ADAMTS19: variants seen among roughly 807,000 people sequenced by gnomAD.
The protein encoded by ADAMTS19 is A disintegrin and metalloproteinase with thrombospondin motifs 19.
A neutral mutation model predicts 153.3 loss-of-function variants in ADAMTS19; 93 were observed. That is an observed-to-expected ratio of 0.61 (90% confidence interval 0.51 to 0.72). The LOEUF is 0.72. ADAMTS19 is among the 30% of genes least tolerant of loss of function. ADAMTS19 has a pLI of 0.00. For missense variants in ADAMTS19, 1,482 were observed against 1,552.1 expected, an observed-to-expected ratio of 0.95 and a Z score of 0.76; for synonymous variants, 600 against 556.6, an observed-to-expected ratio of 1.08 and a Z score of -1.10.
chr5:129,527,435 C>T lies in ADAMTS19; in HGVS notation c.1087-313C>T, dbSNP rs1008838840. 4.0e-5 allele frequency among the ~76,000 whole-genome samples: 6 copies of T among 150,506 alleles called. No individual in the cohort carries two copies. The East Asian group carries it at 1.2e-3, about 29-fold the overall frequency. ...CATATTCCATTACCTCCTGAGCACTCCTCTAAAATGCGATATGTGGTAGAT... is the reference window on the plus strand; with the variant it reads ...CATATTCCATTACCTCCTGAGCACTTCTCTAAAATGCGATATGTGGTAGAT... On this transcript the variant is annotated intron_variant, in intron 4 of 22. Coordinates refer to ENST00000274487, the MANE Select transcript of ADAMTS19 (RefSeq NM_133638.6).
intron 7 of ADAMTS19, among the ~76,000 whole-genome samples, chr5:129,583,601 G>C (rs1332538716): frequency 6.6e-6 from 1 of 151,840 alleles, no homozygotes; most frequent in Admixed American, 6.6e-5. Flanking sequence ...TGGAGGTTTT[G>C]TTCATTCCTT....
At chr5:129,530,653 T>A (rs1010362923) in intron 6 of ADAMTS19, among the ~76,000 whole-genome samples, 1 of 152,144 alleles carries the variant, frequency 6.6e-6, no homozygotes, top group Non-Finnish European at 1.5e-5. Flanking sequence ...ACTATCTTAA[T>A]CTCTGAAAGG....
chr5:129,606,447 T>C (rs73785217), intron 8 of ADAMTS19, among the ~76,000 whole-genome samples: 5,775 of 152,188 alleles, frequency 0.038, 340 homozygotes, highest in African/African-American at 0.13. Context: ...GAGAAAGCTA[T>C]CTCAACTGTC....
chr5:129,585,338 A>T (rs188094005), intron 7 of ADAMTS19, among the ~76,000 whole-genome samples: 9 of 151,938 alleles, frequency 5.9e-5, no homozygotes, highest in Non-Finnish European at 1.2e-4. Context: ...AGCTGTTCCT[A>T]TTCGGCCATC....
At chr5:129,713,857 G>A (rs2127185492) in intron 21 of ADAMTS19, among the ~76,000 whole-genome samples, 1 of 151,336 alleles carries the variant, frequency 6.6e-6, no homozygotes, top group African/African-American at 2.4e-5. Context: ...CAGGATGACT[G>A]GATGGCACTC....
chr5:129,610,931 C>T (rs1430705339), intron 8 of ADAMTS19, among the ~76,000 whole-genome samples: 1 of 152,132 alleles, frequency 6.6e-6, no homozygotes, highest in Non-Finnish European at 1.5e-5. Context: ...TCCTATTTCT[C>T]CACATCCTCT....
At chr5:129,732,784 G>A (rs958347466) in intron 21 of ADAMTS19, among the ~76,000 whole-genome samples, 4 of 151,934 alleles carry the variant, frequency 2.6e-5, no homozygotes, top group African/African-American at 9.7e-5. Flanking sequence ...AATTATCAAT[G>A]TCATTTTTCA....
At chr5:129,655,550 G>A (rs1753510206) in intron 14 of ADAMTS19, among the ~76,000 whole-genome samples, 1 of 152,166 alleles carries the variant, frequency 6.6e-6, no homozygotes, top group Non-Finnish European at 1.5e-5. Context: ...AAAGTTGGTA[G>A]ACCATTGGTC....
chr5:129,598,287 C>T lies in ADAMTS19; in HGVS notation c.1478+1623C>T, dbSNP rs545496476. Among the ~76,000 whole-genome samples, 9 of 152,188 alleles carry T rather than the reference C, an allele frequency of 5.9e-5. No individual in the cohort carries two copies. The South Asian group carries it at 1.2e-3, about 21-fold the overall frequency. On this transcript the variant is annotated intron_variant, in intron 8 of 22. Coordinates refer to ENST00000274487, the MANE Select transcript of ADAMTS19 (RefSeq NM_133638.6). ...CCATCTTTCTCAGTTCATCAGAGGCCGCAACACCCTAGTATATGGTACACC... is the reference window on the plus strand; with the variant it reads ...CCATCTTTCTCAGTTCATCAGAGGCTGCAACACCCTAGTATATGGTACACC...
intron 6 of ADAMTS19, among the ~76,000 whole-genome samples, chr5:129,535,044 G>C (rs1246459274): frequency 1.3e-5 from 2 of 152,150 alleles, no homozygotes; most frequent in East Asian, 1.9e-4. Context: ...ATTCAACATA[G>C]TGTTGGAAGT....
intron 8 of ADAMTS19, among the ~76,000 whole-genome samples, chr5:129,610,907 C>A (rs932365014): frequency 6.6e-6 from 1 of 152,304 alleles, no homozygotes. Flanking sequence ...GTCCCACCAA[C>A]AGTGTAAAAG....
At chr5:129,611,851 G>C (rs771760180) in intron 8 of ADAMTS19, among the ~76,000 whole-genome samples, 1 of 151,984 alleles carries the variant, frequency 6.6e-6, no homozygotes, top group East Asian at 1.9e-4. Context: ...GAGAAAGGTC[G>C]GGTTACCCAC....
chr5:129,703,836 C>G (rs1756022033), intron 20 of ADAMTS19, among the ~76,000 whole-genome samples: 2 of 152,144 alleles, frequency 1.3e-5, no homozygotes, highest in South Asian at 2.1e-4. Context: ...TTATTTTTCA[C>G]AAACATGTCT....
chr5:129,548,326 C>CAA (rs368141882), intron 6 of ADAMTS19, among the ~76,000 whole-genome samples: 7 of 136,076 alleles, frequency 5.1e-5, no homozygotes, highest in African/African-American at 2.0e-4. Flanking sequence ...AACAAATTTA[C>CAA]AAAAAAAAAA....
At chr5:129,486,082 C>T (rs760929964) in intron 2 of ADAMTS19, among the ~76,000 whole-genome samples, 3 of 152,134 alleles carry the variant, frequency 2.0e-5, no homozygotes, top group African/African-American at 4.8e-5. Flanking sequence ...TAAGCCACCG[C>T]GCCTGGCCTA....
chr5:129,507,801 G>A (rs1018143609), intron 2 of ADAMTS19, among the ~76,000 whole-genome samples: 4 of 151,578 alleles, frequency 2.6e-5, no homozygotes, highest in African/African-American at 7.3e-5. Context: ...GGGACAGATC[G>A]AGGTGATAAA....
chr5:129,555,250 G>A (rs1027119138), intron 7 of ADAMTS19, among the ~76,000 whole-genome samples: 24 of 152,072 alleles, frequency 1.6e-4, no homozygotes, highest in Non-Finnish European at 2.6e-4. Context: ...GGAAAGAACA[G>A]CACTTACAGG....
At chr5:129,706,347 A>C (rs1028754937) in intron 21 of ADAMTS19, among the ~76,000 whole-genome samples, 19 of 152,200 alleles carry the variant, frequency 1.2e-4, no homozygotes, top group African/African-American at 4.3e-4. Flanking sequence ...AGGCAGGTGG[A>C]TCACTTGAGG....
rs543044277 is a variant in ADAMTS19 at position 129,536,253 on chromosome 5, A to G, written c.1328+7576A>G. ...AACCCCATCAAAAAGTGGGCAAAGT[A>G]TATGAACAGACACTTCTCAAAAGAA... On this transcript the variant is annotated intron_variant, in intron 6 of 22. Coordinates refer to ENST00000274487, the MANE Select transcript of ADAMTS19 (RefSeq NM_133638.6). Among the ~76,000 whole-genome samples, 14 of 152,350 alleles carry G rather than the reference A, an allele frequency of 9.2e-5. No homozygotes were observed. In the South Asian group the frequency reaches 1.7e-3, roughly 18 times the overall value.
Sources: allele counts gnomAD v4.1 joint callset (sites outside exome capture counted in the v4.1 genomes callset), GRCh38; gene constraint gnomAD v4.1.1; transcripts MANE v1.5; gene names NCBI Gene and HGNC (gene_info 2026-07-23, HGNC 2026-07-21).